The following SNX8 variants were observed in gnomAD, a reference collection of about 807,000 sequenced individuals.
The protein encoded by SNX8 is sorting nexin 8, also known as sorting nexin-8.
SNX8 carries 25 observed loss-of-function variants against 51.6 expected under a neutral mutation model. The observed-to-expected ratio is 0.48, with a 90% CI of 0.35 to 0.68. The LOEUF (loss-of-function observed/expected upper bound fraction) is 0.68, where lower values mean the gene tolerates loss of function less well. Among genes scored for constraint, SNX8 ranks in the 30% least tolerant of loss-of-function variants. The pLI is 0.00. For synonymous variants in SNX8, 324 were observed against 277.0 expected, an observed-to-expected ratio of 1.17 and a Z score of -1.68; for missense variants, 695 against 624.0, an observed-to-expected ratio of 1.11 and a Z score of -1.21.
chr7:2,309,131 C>T (rs115684285), intron 1 of SNX8, among the ~76,000 whole-genome samples: 2,278 of 152,144 alleles, frequency 0.015, 49 homozygotes, highest in African/African-American at 0.052. Context: ...CACTCTATTG[C>T]CCAGGCTGGC....
In SNX8 at chr7:2,287,410, C is replaced by G. The variant is rs1215959101; in HGVS notation, c.95-9105G>C. Among the ~76,000 whole-genome samples, 3 of 152,048 alleles carry G rather than the reference C, an allele frequency of 2.0e-5. No homozygotes were observed. In the East Asian group the frequency reaches 5.8e-4, roughly 29 times the overall value. On this transcript the variant is annotated intron_variant, in intron 1 of 10. Transcript: ENST00000222990. ...CCTGGCCAACATAGAGAAACCCCAT[C>G]TCTACTAAAAATACAAAAATTAGAC...
intron 1 of SNX8, among the ~76,000 whole-genome samples, chr7:2,302,432 G>A (rs1796419800): frequency 6.6e-6 from 1 of 152,312 alleles, no homozygotes; most frequent in East Asian, 1.9e-4. Flanking sequence ...GGAGTGCAGT[G>A]GTGTGATCTC....
rs1584656549 is a variant in SNX8, at chr7:2,253,758, C to G, written c.*1298G>C. 6.6e-6 allele frequency: 1 copy of G among 152,240 alleles called. No individual in the cohort carries two copies. Among genetic ancestry groups the G allele is most frequent in the Non-Finnish European group, 1.5e-5 (1 of 68,102 alleles). The allele number at this position is 152,240 out of a possible 1,614,324, so 9.4% of individuals were successfully genotyped here. ...TGCCTGCGGGGCACACACAGGAGTC[C>G]CCTCTCCATCCCACGGCCGTGAGCT... On this transcript the variant is annotated 3_prime_UTR_variant, in exon 11 of 11. Coordinates refer to ENST00000222990, the MANE Select transcript of SNX8 (RefSeq NM_013321.4).
intron 1 of SNX8, among the ~76,000 whole-genome samples, chr7:2,280,812 A>G (rs1478671102): frequency 7.4e-6 from 1 of 135,144 alleles, no homozygotes; most frequent in East Asian, 2.2e-4. Context: ...TTTTTTTGAG[A>G]GACAGAGTCT....
rs542863364 is a variant in SNX8, at chr7:2,341,768, C to T, written c.-66+12454G>A. 5.3e-5 allele frequency among the ~76,000 whole-genome samples: 8 copies of T among 152,098 alleles called. No individual in the cohort carries two copies. In the South Asian group the frequency reaches 6.2e-4, roughly 12 times the overall value. ...TTTGGAGGCTGACGCAGGCAGATCA[C>T]CTGAGGTCAGGAGTTCAAGACCAGC... On this transcript the variant is annotated intron_variant, in intron 1 of 5. Transcript: ENST00000435336.
chr7:2,294,752 C>T (rs1272684898), intron 1 of SNX8, among the ~76,000 whole-genome samples: 3 of 152,106 alleles, frequency 2.0e-5, no homozygotes. Flanking sequence ...TAAAATGAGG[C>T]CAAGGCCAGC....
chr7:2,311,115 T>G (rs10228817), intron 1 of SNX8, among the ~76,000 whole-genome samples: 4,400 of 152,270 alleles, frequency 0.029, 228 homozygotes, highest in African/African-American at 0.1. Context: ...CTTCAAAGAA[T>G]TCAAATAGAA....
chr7:2,268,549 G>C (rs1210916931), intron 5 of SNX8, among the ~76,000 whole-genome samples: 1 of 136,296 alleles, frequency 7.3e-6, no homozygotes, highest in African/African-American at 2.7e-5. Context: ...GGAGGGAGGT[G>C]GGGGGGTCAG....
rs138247830 is a variant in SNX8 at position 2,272,010 on chromosome 7, C to T, written c.419-39G>A. 2.4e-3 allele frequency: 3,889 copies of T among 1,609,134 alleles called. 8 individuals are homozygous for T. The highest frequency in any genetic ancestry group is 3.9e-3 in the South Asian group (359 of 90,988). ...CGGGGTCACTGGACAGAGTCCAGGG[C>T]GCCGGCCCCCATCTTCTGCTCTGGG... On this transcript the variant is annotated intron_variant, in intron 3 of 10. Coordinates refer to ENST00000222990, the MANE Select transcript of SNX8 (RefSeq NM_013321.4).
intron 1 of SNX8, among the ~76,000 whole-genome samples, chr7:2,304,334 G>T (rs1029209161): frequency 1.3e-5 from 2 of 151,670 alleles, no homozygotes; most frequent in Admixed American, 6.6e-5. Flanking sequence ...CACGAGGTCA[G>T]GAGATAGAGA....
In SNX8 at chr7:2,277,263, C is replaced by G. The variant is rs140495589; in HGVS notation, c.300+837G>C. ...CCACGGTGTTGCTCCAGACGGGCAT[C>G]AGGCACTCGGTGTCTGTGTCTCACC... On this transcript the variant is annotated intron_variant, in intron 2 of 10. Coordinates refer to ENST00000222990, the MANE Select transcript of SNX8 (RefSeq NM_013321.4). 3.1e-4 allele frequency among the ~76,000 whole-genome samples: 47 copies of G among 152,358 alleles called. 1 individual carries two copies. In the East Asian group the frequency reaches 7.7e-3, roughly 25 times the overall value.
chr7:2,272,331 T>C (rs1795668421), intron 3 of SNX8, among the ~76,000 whole-genome samples: 1 of 152,034 alleles, frequency 6.6e-6, no homozygotes, highest in Non-Finnish European at 1.5e-5. Context: ...TGCAAACAAA[T>C]GGGTTTTGCT....
At chr7:2,257,653 TC>T in intron 8 of SNX8, 81 bp downstream of exon 8, 1 of 1,565,294 alleles carries the variant, frequency 6.4e-7, no homozygotes. Context: ...TCCTCTTCCG[TC>T]CCCCAGGAGT....
intron 1 of SNX8, among the ~76,000 whole-genome samples, chr7:2,336,838 C>A (rs1275195658): frequency 1.3e-5 from 2 of 150,510 alleles, no homozygotes; most frequent in African/African-American, 4.9e-5. Context: ...GAAACCTCAT[C>A]TCTACTAAAA....
intron 1 of SNX8, among the ~76,000 whole-genome samples, chr7:2,327,494 G>C (rs986007877): frequency 6.6e-6 from 1 of 151,216 alleles, no homozygotes. Flanking sequence ...TGCAAGCTCC[G>C]CATCTCTGGT....
chr7:2,341,096 A>G (rs12699850), intron 1 of SNX8, among the ~76,000 whole-genome samples: 2,658 of 151,062 alleles, frequency 0.018, 31 homozygotes, highest in Non-Finnish European at 0.026. Flanking sequence ...CTGGAGCCCA[A>G]GTGGTTGGGG....
chr7:2,266,325 C>T (rs1462990628), intron 5 of SNX8, among the ~76,000 whole-genome samples: 1 of 150,732 alleles, frequency 6.6e-6, no homozygotes. Flanking sequence ...GCTGGGATTA[C>T]AGGTGCCTGC....
chr7:2,316,282 CAA>C (rs1796755578), upstream of SNX8, among the ~76,000 whole-genome samples: 1 of 145,382 alleles, frequency 6.9e-6, no homozygotes, highest in Non-Finnish European at 1.5e-5. Flanking sequence ...TTCATTCACA[CAA>C]CCACTCACTC....
chr7:2,324,121 CA>C (rs367895974), intron 1 of SNX8, among the ~76,000 whole-genome samples: 18 of 143,492 alleles, frequency 1.3e-4, no homozygotes, highest in African/African-American at 1.0e-4. Context: ...GACTCCATCT[CA>C]AAAAAAAAAG....
Sources: allele counts gnomAD v4.1 joint callset (sites outside exome capture counted in the v4.1 genomes callset), GRCh38; gene constraint gnomAD v4.1.1; transcripts MANE v1.5; gene names NCBI Gene and HGNC (gene_info 2026-07-23, HGNC 2026-07-21).